DAPK2: variants seen among roughly 807,000 people sequenced by gnomAD.
The protein encoded by DAPK2 is death associated protein kinase 2.
Under a neutral mutation model 44.1 loss-of-function variants are expected in DAPK2, and 35 were observed. The observed-to-expected ratio is 0.79, with a 90% CI of 0.61 to 1.05. DAPK2 has a LOEUF of 1.05. Among genes scored for constraint, DAPK2 ranks in the 50% least tolerant of loss-of-function variants. The probability of loss-of-function intolerance (pLI) is 0.00; values close to 1 mark genes in which losing one functional copy is unlikely to be tolerated. For missense variants in DAPK2, 453 were observed against 483.2 expected (o/e 0.94, Z 0.59); for synonymous variants, 174 against 182.6 (o/e 0.95, Z 0.38).
At chr15:63,985,718 C>A (rs2078651603) in intron 1 of DAPK2, among the ~76,000 whole-genome samples, 4 of 152,216 alleles carry the variant, frequency 2.6e-5, no homozygotes. Flanking sequence ...TGTTGACAGC[C>A]TTAGGACTTG....
intron 1 of DAPK2, among the ~76,000 whole-genome samples, chr15:64,000,186 TACACACACAC>T (rs3056828): frequency 6.8e-6 from 1 of 147,826 alleles, no homozygotes; most frequent in Non-Finnish European, 1.5e-5. Flanking sequence ...CTACTACTAC[TACACACACAC>T]ACACACACAC....
chr15:64,035,606 T>C (rs140715531), intron 1 of DAPK2, among the ~76,000 whole-genome samples: 255 of 152,344 alleles, frequency 1.7e-3, no homozygotes, highest in Non-Finnish European at 3.4e-3. Context: ...TAGCCTCATC[T>C]ACAAAATGAG....
At chr15:64,026,386 G>T (rs552469373) in intron 1 of DAPK2, among the ~76,000 whole-genome samples, 1 of 152,230 alleles carries the variant, frequency 6.6e-6, no homozygotes, top group Admixed American at 6.5e-5. Context: ...TAGGACTACA[G>T]GCGCATGCCA....
chr15:63,939,095 C>T lies in DAPK2; in HGVS notation c.583+137G>A, dbSNP rs1036759417. The T allele has an allele frequency of 3.5e-6, 5 of 1,443,578 alleles. No individual in the cohort carries two copies. In the Admixed American group the frequency reaches 6.7e-5, roughly 19 times the overall value. 89.4% of individuals were successfully genotyped at this position (1,443,578 alleles called of 1,614,324 possible). A position where few individuals can be genotyped will look rare whatever the true frequency, so the allele number is the denominator to read the frequency against. ...GCCCAATAAGACATTTCCTTCCCCA[C>T]CCATTAGGTTTCTAGAGATGTCCCA... On this transcript the variant is annotated intron_variant, in intron 4 of 10. Transcript: ENST00000261891. This position sits in a 1 kb window ranked among gnomAD's most constrained non-coding sequence, Gnocchi z 4.3.
At chr15:64,043,156 G>A (rs116435827), upstream of DAPK2, among the ~76,000 whole-genome samples, 2,179 of 152,300 alleles carry the variant, frequency 0.014, 41 homozygotes, top group African/African-American at 0.05. Flanking sequence ...AATGTCTAGT[G>A]TTGGTGAGTA....
At chr15:63,928,745 A>T (rs2079398815) in intron 6 of DAPK2, among the ~76,000 whole-genome samples, 1 of 152,186 alleles carries the variant, frequency 6.6e-6, no homozygotes, top group Non-Finnish European at 1.5e-5. Flanking sequence ...GCTATGCAGG[A>T]AATCTCTGTC....
intron 3 of DAPK2, among the ~76,000 whole-genome samples, chr15:63,949,324 A>G (rs1423709942): frequency 6.6e-6 from 1 of 152,234 alleles, no homozygotes; most frequent in Non-Finnish European, 1.5e-5. Context: ...CTCATGGGAT[A>G]GAGGGAGAGA....
At chr15:64,029,118 T>C (rs2079936206) in intron 1 of DAPK2, among the ~76,000 whole-genome samples, 1 of 149,886 alleles carries the variant, frequency 6.7e-6, no homozygotes. Context: ...GGTTTCCATT[T>C]CCCCCACATA....
chr15:63,984,424 C>T (rs1208417854), intron 1 of DAPK2, among the ~76,000 whole-genome samples: 1 of 152,190 alleles, frequency 6.6e-6, no homozygotes, highest in Admixed American at 6.5e-5. Context: ...GGCTCAGAAA[C>T]CCATTACTCC....
At chr15:63,929,324 G>A (rs546838970) in intron 6 of DAPK2, among the ~76,000 whole-genome samples, 3 of 152,286 alleles carry the variant, frequency 2.0e-5, no homozygotes, top group Admixed American at 2.0e-4. Context: ...TGTGCAGAGT[G>A]GAGAGCCTGA....
intron 1 of DAPK2, among the ~76,000 whole-genome samples, chr15:64,029,593 A>T (rs1297043887): frequency 6.6e-6 from 1 of 152,192 alleles, no homozygotes; most frequent in Non-Finnish European, 1.5e-5. Context: ...TCATTTGCTA[A>T]GGAGGAGAGT....
At chr15:64,032,307 G>T (rs911286006) in intron 1 of DAPK2, among the ~76,000 whole-genome samples, 3 of 152,182 alleles carry the variant, frequency 2.0e-5, no homozygotes, top group Non-Finnish European at 2.9e-5. Flanking sequence ...CACCGTGTTT[G>T]ATCTGGACCT....
intron 6 of DAPK2, among the ~76,000 whole-genome samples, chr15:63,926,916 A>G (rs1360044512): frequency 6.6e-6 from 1 of 152,100 alleles, no homozygotes; most frequent in East Asian, 1.9e-4. Context: ...TGTTGGTTCC[A>G]TTTACTAAAT....
intron 1 of DAPK2, among the ~76,000 whole-genome samples, chr15:64,045,516 G>T (rs1039893103): frequency 7.9e-5 from 12 of 152,192 alleles, no homozygotes; most frequent in African/African-American, 2.9e-4. Flanking sequence ...TTGCCCCCGA[G>T]GCAGCCAGCT....
intron 1 of DAPK2, chr15:63,991,261 T>A (rs1336376494): frequency 1.8e-5 from 8 of 456,108 alleles, no homozygotes; most frequent in Non-Finnish European, 3.1e-5. Context: ...GGGAACTAGA[T>A]GGGCATGACA....
At position 63,939,830 on chromosome 15, in the gene DAPK2, T is replaced by G. The variant is rs1425375393; in HGVS notation, c.454-469A>C. 6.6e-6 allele frequency among the ~76,000 whole-genome samples: 1 copy of G among 152,206 alleles called. No individual in the cohort carries two copies. The highest frequency in any genetic ancestry group is 1.5e-5 in the Non-Finnish European group (1 of 68,034). ...GACCTTGGTCTTCCTGACCGCCTCT[T>G]TCCCCTGGCCAGCCAACTTCCTGTT... On this transcript the variant is annotated intron_variant, in intron 3 of 10. Coordinates refer to ENST00000261891, the Ensembl canonical transcript of DAPK2. This position sits in a 1 kb window ranked among gnomAD's most constrained non-coding sequence, Gnocchi z 4.3.
chr15:63,962,282 T>C (rs145153964), intron 3 of DAPK2, among the ~76,000 whole-genome samples: 1,588 of 152,320 alleles, frequency 0.01, 39 homozygotes, highest in African/African-American at 0.036. Flanking sequence ...TTGCGATGGG[T>C]TCGAACATCC....
At chr15:63,930,255 G>A in intron 5 of DAPK2, 152 bp downstream of exon 6, 1 of 802,172 alleles carries the variant, frequency 1.2e-6, no homozygotes, top group Non-Finnish European at 2.1e-6. Flanking sequence ...CTGGCCACAG[G>A]TCTAACACAT....
At chr15:63,987,971 T>C (rs1331252187) in intron 1 of DAPK2, among the ~76,000 whole-genome samples, 1 of 151,934 alleles carries the variant, frequency 6.6e-6, no homozygotes, top group Admixed American at 6.6e-5. Flanking sequence ...CATCCAGCCT[T>C]GCAGAAGAGC....
Sources: allele counts gnomAD v4.1 joint callset (sites outside exome capture counted in the v4.1 genomes callset), GRCh38; gene constraint gnomAD v4.1.1; non-coding constraint Gnocchi (gnomAD v3.1); transcripts MANE v1.5; gene names NCBI Gene and HGNC (gene_info 2026-07-23, HGNC 2026-07-21).